EPG5: variants seen among roughly 807,000 people sequenced by gnomAD.
EPG5 encodes ectopic P granules protein 5 homolog.
In EPG5, 159 loss-of-function variants were observed where a neutral mutation model predicts 302.7. The observed-to-expected ratio is 0.53, with a 90% CI of 0.46 to 0.60. The LOEUF (loss-of-function observed/expected upper bound fraction) is 0.60. EPG5 is among the 20% of genes least tolerant of loss of function. The pLI, the probability that EPG5 is intolerant of heterozygous loss-of-function variation, is 0.00. For synonymous variants in EPG5, 1,158 were observed against 1,136.8 expected (o/e 1.02, Z -0.37); for missense variants, 2,896 against 3,092.4 (o/e 0.94, Z 1.51).
intron 35 of EPG5, among the ~76,000 whole-genome samples, chr18:45,871,387 T>C (rs552278821): frequency 3.9e-5 from 6 of 152,124 alleles, no homozygotes; most frequent in Non-Finnish European, 7.4e-5. Flanking sequence ...GTCAAAAAAC[T>C]AAAAATAGAC....
At chr18:45,920,793 T>A (rs556664833) in intron 16 of EPG5, among the ~76,000 whole-genome samples, 2 of 152,310 alleles carry the variant, frequency 1.3e-5, no homozygotes, top group African/African-American at 4.8e-5. Context: ...AATGTCAACA[T>A]GAGGTTTAGG....
intron 23 of EPG5, among the ~76,000 whole-genome samples, chr18:45,909,089 G>C (rs1470593146): frequency 6.6e-6 from 1 of 152,164 alleles, no homozygotes; most frequent in Non-Finnish European, 1.5e-5. Flanking sequence ...TAGGGGACTG[G>C]GAGATGGTCT....
chr18:45,896,463 G>A (rs917221330), intron 27 of EPG5, among the ~76,000 whole-genome samples: 2 of 152,106 alleles, frequency 1.3e-5, no homozygotes, highest in African/African-American at 2.4e-5. Context: ...AATTCTTTAC[G>A]CTTCTGCAAC....
At chr18:45,854,410 A>T (rs189600123) in intron 43 of EPG5, among the ~76,000 whole-genome samples, 17 of 152,338 alleles carry the variant, frequency 1.1e-4, no homozygotes, top group Non-Finnish European at 2.1e-4. Context: ...CTGAGCACTT[A>T]CAGAGACAGC....
Position 45,866,973 on chromosome 18 carries a change from C to T in EPG5, c.6446G>A (p.Ser2149Asn). ...SPLLSLLGQT[S>N]SLSWHLVDIV... ...ATCCACAAGATGCCATGAAAGTGAG[C>T]TTGTCTGTCCAAGGAGACTAAGTAA... Residue 2149 changes from serine to asparagine, a missense_variant, in exon 38 of 44, where the codon AGC becomes AAC. Physicochemically the swap from Ser to Asn is conservative, Grantham distance 46. Around this residue, in one of 5 missense-constraint regions of EPG5, gnomAD observed 620 missense variants for 704.2 expected, o/e 0.88. Coordinates refer to ENST00000282041, the MANE Select transcript of EPG5 (RefSeq NM_020964.3). The T allele has an allele frequency of 1.2e-6, 2 of 1,614,128 alleles. No homozygotes were observed. Among genetic ancestry groups the T allele is most frequent in the Non-Finnish European group, 1.7e-6 (2 of 1,179,968 alleles).
rs866492981 is a variant in EPG5 at position 45,912,352 on chromosome 18, G to A, written c.3921C>T (p.Leu1307=). The A allele has an allele frequency of 1.9e-6, 3 of 1,611,750 alleles. No homozygotes were observed. Among genetic ancestry groups the A allele is most frequent in the South Asian group, 2.2e-5 (2 of 90,650 alleles). The change falls in exon 22 of 44, where the codon CTC becomes CTT. Residue 1307 remains leucine, a synonymous_variant. Coordinates refer to ENST00000282041, the MANE Select transcript of EPG5 (RefSeq NM_020964.3). ...QALVTPSDHP[L]LPLIWQKFFL... ...AGAACTTCTGCCAAATGAGTGGCAG[G>A]AGGGGGTGATCAGAAGGTGTGACCA...
At chr18:45,911,705 G>A (rs1415559065) in intron 22 of EPG5, among the ~76,000 whole-genome samples, 2 of 152,188 alleles carry the variant, frequency 1.3e-5, no homozygotes, top group African/African-American at 4.8e-5. Context: ...CCAAAGTGCT[G>A]GGATTACAGG....
chr18:45,959,460 C>T (rs1318540343), intron 1 of EPG5, among the ~76,000 whole-genome samples: 1 of 151,798 alleles, frequency 6.6e-6, no homozygotes, highest in Non-Finnish European at 1.5e-5. Context: ...TCCTGGCCAA[C>T]ATGGTGAAAC....
chr18:45,801,901 G>A, the EPG5 span, among the ~76,000 whole-genome samples: 2 of 152,168 alleles, frequency 1.3e-5, no homozygotes, highest in Non-Finnish European at 2.9e-5. Context: ...CTGAGAGGGA[G>A]GAGCAGTGCC....
intron 32 of EPG5, 66 bp from the exon 33 acceptor site, chr18:45,879,280 C>T (rs2049040220): frequency 1.1e-5 from 13 of 1,158,550 alleles, no homozygotes; most frequent in Non-Finnish European, 1.6e-5. Context: ...TTATGATACA[C>T]TGTGATGGGG....
rs1405218255 is a variant in EPG5 at position 45,852,215 on chromosome 18, T to G, written c.*252A>C. The G allele has an allele frequency of 6.0e-6, 2 of 335,254 alleles. No individual in the cohort carries two copies. Among genetic ancestry groups the G allele is most frequent in the Non-Finnish European group, 1.1e-5 (2 of 186,114 alleles). The allele number at this position is 335,254 out of a possible 1,614,324, so 20.8% of individuals were successfully genotyped here. A position where few individuals can be genotyped will look rare whatever the true frequency, so the allele number is the denominator to read the frequency against. On this transcript the variant is annotated 3_prime_UTR_variant, in exon 44 of 44. Transcript: ENST00000282041. Reference sequence around the variant, plus strand: ...GGCTCTGCACCCAAGTGGAACTTAGTAAGTTTCTCTTGTGGATAAATATAA... The same window carrying G: ...GGCTCTGCACCCAAGTGGAACTTAGGAAGTTTCTCTTGTGGATAAATATAA...
At position 45,889,833 on chromosome 18, in the gene EPG5, A is replaced by G. The variant is rs764725767; in HGVS notation, c.4917T>C (p.Ile1639=). 1.9e-6 allele frequency: 3 copies of G among 1,610,408 alleles called. No individual in the cohort carries two copies. Among genetic ancestry groups the G allele is most frequent in the Admixed American group, 3.4e-5 (2 of 59,168 alleles). The part of the protein sequence containing the change: ...AEAAKPPSLN[I]VEAAVHAENL... The stretch of plus-strand genomic sequence containing the variant: ...TTTCTGCATGTACAGCAGCTTCCAC[A>G]ATATTAAGTGATGGTGGTTTAGCAG... The change falls in exon 28 of 44, where the codon ATT becomes ATC. Residue 1639 remains isoleucine, a synonymous_variant. Coordinates refer to ENST00000282041, the MANE Select transcript of EPG5 (RefSeq NM_020964.3).
At chr18:45,837,679 C>G in the EPG5 span, 1 of 1,483,426 alleles carries the variant, frequency 6.7e-7, no homozygotes, top group Non-Finnish European at 8.9e-7. Context: ...CGCAGGTGTT[C>G]CGCTGCGCTG....
In EPG5 at chr18:45,878,409, T is replaced by G. The variant is rs1455457286; in HGVS notation, c.5909A>C (p.Lys1970Thr). The change falls in exon 34 of 44, where the codon AAG (lysine) becomes ACG (threonine). Residue 1970 changes from lysine (K) to threonine (T), a missense_variant. Lys to Thr is a moderately conservative substitution (Grantham distance 78, BLOSUM62 -1). This residue lies in a region of EPG5 where 32 missense variants were observed against 58.4 expected (regional missense o/e 0.55). Transcript: ENST00000282041. ...GTCCTCTAAAACCAGGATCCATGGC[T>G]TAAAGAGCTGAATGATTACTGAATG... ...SLHSVIIQLF[K>T]PWILVLEDNE... 2.5e-6 allele frequency: 4 copies of G among 1,612,614 alleles called. No homozygotes were observed. The highest frequency in any genetic ancestry group is 3.4e-6 in the Non-Finnish European group (4 of 1,179,296).
At chr18:45,841,450 A>G in the EPG5 span, among the ~76,000 whole-genome samples, 1 of 152,132 alleles carries the variant, frequency 6.6e-6, no homozygotes, top group Non-Finnish European at 1.5e-5. Context: ...TGCAATGGGA[A>G]GTCACTGAAT....
At chr18:45,815,803 T>C in the EPG5 span, among the ~76,000 whole-genome samples, 1 of 152,116 alleles carries the variant, frequency 6.6e-6, no homozygotes, top group Non-Finnish European at 1.5e-5. Flanking sequence ...GAAATTCATA[T>C]AGAACCAAAA....
intron 1 of EPG5, among the ~76,000 whole-genome samples, chr18:45,964,100 G>A (rs2051201039): frequency 6.6e-6 from 1 of 152,166 alleles, no homozygotes; most frequent in Non-Finnish European, 1.5e-5. Flanking sequence ...GTTTGTATAG[G>A]AAAGTTGCCT....
rs756668451 is a variant in EPG5, at chr18:45,870,606, G to A, written c.6186C>T (p.Asp2062=). The change falls in exon 36 of 44, where the codon GAC becomes GAT. Residue 2062 remains aspartate, a synonymous_variant. Transcript: ENST00000282041. ...CCATGAGCATCTGGTCAGGGTGCAG[G>A]TCCTTCCATGGCAGTTTCCGGTACG... ...HSTYRKLPWK[D]LHPDQMLMEA... The A allele has an allele frequency of 5.0e-6, 8 of 1,613,928 alleles. No homozygotes were observed. In the Admixed American group the frequency reaches 1.0e-4, roughly 20 times the overall value.
the EPG5 span, among the ~76,000 whole-genome samples, chr18:45,803,299 C>G: frequency 6.6e-6 from 1 of 152,084 alleles, no homozygotes; most frequent in Non-Finnish European, 1.5e-5. Context: ...GCTGAGTAAA[C>G]GCTTACTGTA....
Sources: gnomAD v4.1 joint callset for allele counts (sites outside exome capture counted in the v4.1 genomes callset) on GRCh38, gnomAD v4.1.1 for gene constraint, gnomAD v4.1.1 regional missense constraint, MANE v1.5 for transcripts, NCBI Gene and HGNC (gene_info 2026-07-23, HGNC 2026-07-21) for gene names.